DIAPH3: variants seen among roughly 807,000 people sequenced by gnomAD.
DIAPH3 encodes protein diaphanous homolog 3.
DIAPH3 carries 117 observed loss-of-function variants against 144.3 expected under a neutral mutation model. The ratio of observed to expected loss-of-function variants is 0.81; its 90% CI spans 0.70 to 0.95. The LOEUF (loss-of-function observed/expected upper bound fraction) is 0.95. Ranked by LOEUF, DIAPH3 falls within the 40% of genes least tolerant of loss-of-function variation. The pLI, the probability that DIAPH3 is intolerant of heterozygous loss-of-function variation, is 0.00. For synonymous variants in DIAPH3, 519 were observed against 488.9 expected (o/e 1.06, Z -0.81); for missense variants, 1,421 against 1,412.7 (o/e 1.01, Z -0.09).
chr13:60,121,216 T>C (rs895887998), intron 2 of DIAPH3, among the ~76,000 whole-genome samples: 6 of 152,230 alleles, frequency 3.9e-5, no homozygotes, highest in African/African-American at 1.4e-4. Context: ...ACTGTGGGTT[T>C]TTCTGGCATG....
chr13:59,986,976 T>C (rs1395087566), intron 12 of DIAPH3, among the ~76,000 whole-genome samples: 1 of 151,582 alleles, frequency 6.6e-6, no homozygotes, highest in African/African-American at 2.4e-5. Context: ...CATTACTGGG[T>C]ATATACCCAA....
chr13:59,839,449 C>T lies in DIAPH3; in HGVS notation c.2738-1G>A. 1 of 1,612,302 alleles carries T rather than the reference C, an allele frequency of 6.2e-7. No individual in the cohort carries two copies. Among genetic ancestry groups the T allele is most frequent in the Non-Finnish European group, 8.5e-7 (1 of 1,179,258 alleles). On this transcript the variant is annotated splice_acceptor_variant, in intron 22 of 27. Coordinates refer to ENST00000400324, the MANE Select transcript of DIAPH3 (RefSeq NM_001042517.2). LOFTEE classifies it high-confidence loss of function. ...TTCTTTTCCAGCGTTTCTACAGAGA[C>T]TAAAAGAGAGTATATTAAATGCCCG...
chr13:60,013,262 C>T (rs2053403133), intron 7 of DIAPH3: 2 of 967,960 alleles, frequency 2.1e-6, no homozygotes, highest in African/African-American at 3.5e-5. Context: ...ATTTCAGGCA[C>T]TGAAGATGAT....
At chr13:59,828,510 A>G (rs1461651553) in intron 24 of DIAPH3, among the ~76,000 whole-genome samples, 2 of 151,918 alleles carry the variant, frequency 1.3e-5, no homozygotes, top group East Asian at 1.9e-4. Context: ...GCTGTTAAAG[A>G]ACAGGCCTTG....
chr13:59,956,452 G>A (rs890435144), intron 17 of DIAPH3, among the ~76,000 whole-genome samples: 2 of 152,216 alleles, frequency 1.3e-5, no homozygotes, highest in African/African-American at 2.4e-5. Flanking sequence ...TACACATGGT[G>A]TCAGGACTGT....
At chr13:59,803,272 T>A (rs1051187641) in intron 25 of DIAPH3, among the ~76,000 whole-genome samples, 9 of 152,178 alleles carry the variant, frequency 5.9e-5, no homozygotes, top group African/African-American at 1.9e-4. Context: ...GAATAAGTGA[T>A]GTTAATATAA....
chr13:59,824,438 T>A (rs1033854259), intron 24 of DIAPH3, among the ~76,000 whole-genome samples: 1 of 152,122 alleles, frequency 6.6e-6, no homozygotes, highest in Non-Finnish European at 1.5e-5. Flanking sequence ...AGAACTTGCA[T>A]CTCAACTACT....
chr13:60,029,559 C>A (rs986122914), intron 5 of DIAPH3, among the ~76,000 whole-genome samples: 1 of 152,138 alleles, frequency 6.6e-6, no homozygotes, highest in Admixed American at 6.5e-5. Context: ...GATCTGATGG[C>A]TTTATAAGGG....
chr13:59,855,735 G>GAAA (rs1042826997), intron 22 of DIAPH3, among the ~76,000 whole-genome samples: 1 of 142,056 alleles, frequency 7.0e-6, no homozygotes. Flanking sequence ...ACAGGAAAAT[G>GAAA]AAAAAAAAAA....
intron 24 of DIAPH3, among the ~76,000 whole-genome samples, chr13:59,814,278 C>T (rs1187545602): frequency 6.6e-6 from 1 of 151,986 alleles, no homozygotes; most frequent in Non-Finnish European, 1.5e-5. Flanking sequence ...TTTTCCAAGA[C>T]CTATAAAACA....
At chr13:59,997,036 A>G (rs1161812640) in intron 9 of DIAPH3, among the ~76,000 whole-genome samples, 1 of 152,112 alleles carries the variant, frequency 6.6e-6, no homozygotes, top group Admixed American at 6.6e-5. Context: ...ATCTTGTTAC[A>G]TGCATATAAG....
intron 17 of DIAPH3, among the ~76,000 whole-genome samples, chr13:59,928,120 C>T (rs1260777509): frequency 1.3e-5 from 2 of 152,036 alleles, no homozygotes; most frequent in Non-Finnish European, 2.9e-5. Context: ...TTTCAAGAAA[C>T]CTATCTTCAA....
chr13:59,751,833 G>C (rs570367949), intron 27 of DIAPH3, among the ~76,000 whole-genome samples: 1 of 152,278 alleles, frequency 6.6e-6, no homozygotes, highest in South Asian at 2.1e-4. Flanking sequence ...TTAATCAAAT[G>C]ACATAAAAAT....
At chr13:60,031,313 A>T (rs1043314148) in intron 5 of DIAPH3, among the ~76,000 whole-genome samples, 1 of 152,088 alleles carries the variant, frequency 6.6e-6, no homozygotes, top group African/African-American at 2.4e-5. Flanking sequence ...GCCATGAGGG[A>T]TCTGACCCAT....
chr13:59,818,277 C>T (rs1463658386), intron 24 of DIAPH3, among the ~76,000 whole-genome samples: 1 of 151,866 alleles, frequency 6.6e-6, no homozygotes, highest in Non-Finnish European at 1.5e-5. Flanking sequence ...TGATGAAAAA[C>T]ACTTTTGTTT....
chr13:59,697,022 C>T (rs1026021360), intron 27 of DIAPH3, among the ~76,000 whole-genome samples: 2 of 152,018 alleles, frequency 1.3e-5, no homozygotes, highest in African/African-American at 4.8e-5. Context: ...ACTTGACTAA[C>T]ACATGGTATG....
At chr13:59,814,344 G>A (rs1324038928) in intron 24 of DIAPH3, among the ~76,000 whole-genome samples, 1 of 152,086 alleles carries the variant, frequency 6.6e-6, no homozygotes, top group Non-Finnish European at 1.5e-5. Flanking sequence ...TTTGTTTCAT[G>A]AAAAATGCAC....
intron 4 of DIAPH3, among the ~76,000 whole-genome samples, chr13:60,079,721 A>G (rs1175748672): frequency 6.6e-6 from 1 of 152,004 alleles, no homozygotes; most frequent in Non-Finnish European, 1.5e-5. Context: ...CAATATCTAA[A>G]GACAGGTTGT....
intron 14 of DIAPH3, among the ~76,000 whole-genome samples, chr13:59,975,978 G>A (rs1025660291): frequency 2.6e-5 from 4 of 151,772 alleles, no homozygotes; most frequent in East Asian, 3.9e-4. Flanking sequence ...TCAGAGGTCC[G>A]CCCACCTTCT....
Sources: allele counts gnomAD v4.1 joint callset (sites outside exome capture counted in the v4.1 genomes callset), GRCh38; gene constraint gnomAD v4.1.1; transcripts MANE v1.5; gene names NCBI Gene and HGNC (gene_info 2026-07-23, HGNC 2026-07-21).